The following POMP variants were observed in gnomAD, a reference collection of about 807,000 sequenced individuals.
The protein encoded by POMP is proteasome maturation protein.
In POMP, 12 loss-of-function variants were observed where a neutral mutation model predicts 20.6. That is an observed-to-expected ratio of 0.58 (90% CI 0.37 to 0.94). The LOEUF (loss-of-function observed/expected upper bound fraction) is 0.94. Ranked by LOEUF, POMP falls within the 40% of genes least tolerant of loss-of-function variation. The pLI, the probability that POMP is intolerant of heterozygous loss-of-function variation, is 0.01. For missense variants in POMP, 136 were observed against 161.1 expected (o/e 0.84, Z 0.84); for synonymous variants, 53 against 55.0 (o/e 0.96, Z 0.16).
At chr13:28,672,863 T>TTA in intron 5 of POMP, among the ~76,000 whole-genome samples, 1 of 152,196 alleles carries the variant, frequency 6.6e-6, no homozygotes, top group Non-Finnish European at 1.5e-5. Context: ...AGTCTGATAT[T>TTA]CCTAGGGTGA....
At chr13:28,665,854 G>A (rs968726140) in intron 3 of POMP, among the ~76,000 whole-genome samples, 1 of 152,184 alleles carries the variant, frequency 6.6e-6, no homozygotes, top group Non-Finnish European at 1.5e-5. Context: ...AAGTAGTGTA[G>A]GGTAAAGTAT....
At chr13:28,677,540 A>G (rs1454687536) in intron 5 of POMP, among the ~76,000 whole-genome samples, 1 of 152,232 alleles carries the variant, frequency 6.6e-6, no homozygotes, top group Non-Finnish European at 1.5e-5. Flanking sequence ...TGTAAACACA[A>G]AAGTGATGAT....
chr13:28,675,226 C>T (rs2137800047), intron 5 of POMP, among the ~76,000 whole-genome samples: 1 of 151,756 alleles, frequency 6.6e-6, no homozygotes, highest in East Asian at 1.9e-4. Flanking sequence ...CTGTAACCTC[C>T]ACCTCCTGGG....
chr13:28,666,234 T>C (rs1884442922), intron 3 of POMP, among the ~76,000 whole-genome samples: 1 of 152,194 alleles, frequency 6.6e-6, no homozygotes, highest in Admixed American at 6.6e-5. Context: ...TCTGTAAAAC[T>C]TGACTATTTT....
chr13:28,668,325 GA>G (rs1884482218), intron 3 of POMP, 147 bp from the exon 4 acceptor site: 1 of 625,938 alleles, frequency 1.6e-6, no homozygotes, highest in Non-Finnish European at 2.8e-6. Flanking sequence ...AAATTTGTCA[GA>G]AAAAATTAGT....
chr13:28,672,457 A>G (rs1884565949), intron 5 of POMP, 25 bp downstream of exon 5: 1 of 1,512,294 alleles, frequency 6.6e-7, no homozygotes, highest in Admixed American at 1.7e-5. Context: ...GCACCTTTTT[A>G]TGGAGCCCTT....
intron 1 of POMP, among the ~76,000 whole-genome samples, chr13:28,661,970 A>G (rs934283909): frequency 6.6e-6 from 1 of 152,220 alleles, no homozygotes; most frequent in African/African-American, 2.4e-5. Flanking sequence ...CAATCATGCC[A>G]TAACCTTTCA....
At chr13:28,674,748 T>A (rs1375154661) in intron 5 of POMP, among the ~76,000 whole-genome samples, 2 of 152,142 alleles carry the variant, frequency 1.3e-5, no homozygotes, top group Non-Finnish European at 2.9e-5. Context: ...TTTAAAAAGG[T>A]CACTAGCTGG....
At chr13:28,662,914 C>G (rs1055932208) in intron 2 of POMP, among the ~76,000 whole-genome samples, 2 of 152,180 alleles carry the variant, frequency 1.3e-5, no homozygotes, top group African/African-American at 2.4e-5. Context: ...TGGCTCTGCT[C>G]TTTACTAGAT....
chr13:28,674,147 A>G (rs1792091), intron 5 of POMP, among the ~76,000 whole-genome samples: 6,772 of 152,314 alleles, frequency 0.044, 507 homozygotes, highest in African/African-American at 0.15. Flanking sequence ...ATCTTACTCT[A>G]CTTTGAAGCT....
chr13:28,677,706 T>TA (rs1884653503), intron 5 of POMP, among the ~76,000 whole-genome samples: 6 of 152,218 alleles, frequency 3.9e-5, no homozygotes, highest in African/African-American at 1.4e-4. Flanking sequence ...AAAACTTTTG[T>TA]CAATCTGTTT....
chr13:28,678,077 T>C lies in POMP; in HGVS notation c.401T>C (p.Val134Ala). The change falls in exon 6 of 6, where the codon GTG becomes GCG. Residue 134 changes from valine (V) to alanine (A), a missense_variant. By Grantham distance (64) the Val-to-Ala change is moderately conservative (BLOSUM62 0). Transcript: ENST00000380842. ...GTCATGGGAGAGCCACACTTGATGG[T>C]GGAATATAAACTTGGTTTACTGTAA... ...SEVMGEPHLM[V>A]EYKLGLL 2 of 1,614,088 alleles carry C rather than the reference T, an allele frequency of 1.2e-6. No individual in the cohort carries two copies. The highest frequency in any genetic ancestry group is 1.7e-6 in the Non-Finnish European group (2 of 1,179,966).
chr13:28,671,181 T>C (rs1466284704), intron 4 of POMP, among the ~76,000 whole-genome samples: 1 of 152,220 alleles, frequency 6.6e-6, no homozygotes, highest in Non-Finnish European at 1.5e-5. Context: ...GGTTGAATCT[T>C]GGCTTAGCCA....
rs545511653 is a variant in POMP, at chr13:28,665,454, C to T, written c.162+885C>T. Among the ~76,000 whole-genome samples, 15 of 152,244 alleles carry T rather than the reference C, an allele frequency of 9.9e-5. No individual in the cohort carries two copies. The South Asian group carries it at 3.1e-3, about 32-fold the overall frequency. ...AATTCCTCATCGATTTAAGTGAATT[C>T]AGGTTTCAGGTGCAGAAGTTGACAG... On this transcript the variant is annotated intron_variant, in intron 3 of 5. Transcript: ENST00000380842.
chr13:28,660,990 G>C (rs566667154), intron 1 of POMP, among the ~76,000 whole-genome samples: 1 of 152,142 alleles, frequency 6.6e-6, no homozygotes, highest in African/African-American at 2.4e-5. Context: ...CCCTGCAAAG[G>C]ATAAAATACC....
At chr13:28,660,066 G>A (rs372089021) in intron 1 of POMP, 4 of 151,448 alleles carry the variant, frequency 2.6e-5, no homozygotes, top group Non-Finnish European at 1.5e-5. Context: ...GAAGGAAATT[G>A]GGAAAAATGA....
chr13:28,678,402 G>T lies in POMP; in HGVS notation c.*300G>T. 1.3e-5 allele frequency: 4 copies of T among 315,286 alleles called. No homozygotes were observed. Among genetic ancestry groups the T allele is most frequent in the Middle Eastern group, 1.0e-3 (1 of 956 alleles). The allele number at this position is 315,286 out of a possible 1,614,324, so 19.5% of individuals were successfully genotyped here. ...CAGGTTTCAATTCAACCTGTTTCTAGGTTTTTTTGTAAATTTAGTTTTGAT... is the reference window on the plus strand; with the variant it reads ...CAGGTTTCAATTCAACCTGTTTCTATGTTTTTTTGTAAATTTAGTTTTGAT... On this transcript the variant is annotated 3_prime_UTR_variant, in exon 6 of 6. Coordinates refer to ENST00000380842, the MANE Select transcript of POMP (RefSeq NM_015932.6).
At chr13:28,672,593 T>C (rs865842930) in intron 5 of POMP, among the ~76,000 whole-genome samples, 161 bp downstream of exon 5, 20 of 152,274 alleles carry the variant, frequency 1.3e-4, no homozygotes, top group African/African-American at 4.6e-4. Context: ...AACTGTTCTT[T>C]AACTGTTTTT....
chr13:28,669,971 G>T lies in POMP; in HGVS notation c.264+1397G>T, dbSNP rs201163679. 5.3e-5 allele frequency among the ~76,000 whole-genome samples: 8 copies of T among 152,214 alleles called. No homozygotes were observed. The East Asian group carries it at 1.5e-3, about 29-fold the overall frequency. ...AAAAAATACAACAAATGTGCCAGCC[G>T]TGGTGGTGCACACCTATAGTCCCAG... On this transcript the variant is annotated intron_variant, in intron 4 of 5. Transcript: ENST00000380842.
Sources: gnomAD v4.1 joint callset for allele counts (sites outside exome capture counted in the v4.1 genomes callset) on GRCh38, gnomAD v4.1.1 for gene constraint, MANE v1.5 for transcripts, NCBI Gene and HGNC (gene_info 2026-07-23, HGNC 2026-07-21) for gene names.